Variants in B3GALT1 observed in about 807,000 individuals in gnomAD.
The protein encoded by B3GALT1 is beta-1,3-galactosyltransferase 1, also known as UDP-Gal:betaGlcNAc beta 1,3-galactosyltransferase, polypeptide 1.
B3GALT1 carries 10 observed loss-of-function variants against 23.2 expected under a neutral mutation model. The ratio of observed to expected loss-of-function variants is 0.43; its 90% CI spans 0.27 to 0.73. The LOEUF is 0.73. Ranked by LOEUF, B3GALT1 falls within the 30% of genes least tolerant of loss-of-function variation. The probability of loss-of-function intolerance (pLI) is 0.21; values close to 1 mark genes in which losing one functional copy is unlikely to be tolerated. For missense variants in B3GALT1, 299 were observed against 405.4 expected (o/e 0.74, Z 2.25); for synonymous variants, 156 against 141.5 (o/e 1.10, Z -0.73).
chr2:167,436,748 T>G (rs1212420380), intron 1 of B3GALT1, among the ~76,000 whole-genome samples: 3 of 152,150 alleles, frequency 2.0e-5, no homozygotes, highest in African/African-American at 7.2e-5. Context: ...TCATCTAGTT[T>G]GCTCATATCC....
At chr2:167,499,497 C>T (rs375756614) in intron 2 of B3GALT1, among the ~76,000 whole-genome samples, 1 of 152,040 alleles carries the variant, frequency 6.6e-6, no homozygotes, top group African/African-American at 2.4e-5. Flanking sequence ...AAAAAATAAG[C>T]ATATCATATT....
At chr2:167,735,311 C>T in intron 3 of B3GALT1, among the ~76,000 whole-genome samples, 1 of 152,152 alleles carries the variant, frequency 6.6e-6, no homozygotes, top group Non-Finnish European at 1.5e-5. Context: ...GGGGGCCATT[C>T]TTTTATTAAT....
chr2:167,323,061 T>C (rs1244547319), intron 1 of B3GALT1, among the ~76,000 whole-genome samples: 1 of 151,358 alleles, frequency 6.6e-6, no homozygotes, highest in African/African-American at 2.4e-5. Flanking sequence ...TTCTGGCCTT[T>C]TTAAAAAATA....
chr2:167,840,437 A>G (rs1177757595), intron 4 of B3GALT1, among the ~76,000 whole-genome samples: 13 of 152,152 alleles, frequency 8.5e-5, no homozygotes, highest in Non-Finnish European at 1.5e-4. Flanking sequence ...GCTCACCATC[A>G]CTGGCCATCA....
At chr2:167,582,409 T>G (rs1012050930) in intron 2 of B3GALT1, among the ~76,000 whole-genome samples, 1 of 152,194 alleles carries the variant, frequency 6.6e-6, no homozygotes, top group African/African-American at 2.4e-5. Flanking sequence ...TTACTCACAC[T>G]GTACTCAGAT....
At chr2:167,626,287 A>T (rs1685344345) in intron 2 of B3GALT1, among the ~76,000 whole-genome samples, 1 of 151,576 alleles carries the variant, frequency 6.6e-6, no homozygotes, top group African/African-American at 2.4e-5. Flanking sequence ...TCTAATCCAA[A>T]CCCATATAGA....
intron 2 of B3GALT1, among the ~76,000 whole-genome samples, chr2:167,570,200 T>C (rs1684264514): frequency 6.6e-6 from 1 of 151,926 alleles, no homozygotes; most frequent in South Asian, 2.1e-4. Flanking sequence ...AATTACTTTC[T>C]CTGCTTCTGT....
chr2:167,713,569 A>G, intron 3 of B3GALT1: 1 of 791,880 alleles, frequency 1.3e-6, no homozygotes, highest in Non-Finnish European at 2.1e-6. Flanking sequence ...TCAATTTGAG[A>G]AAAGTGTAAT....
chr2:167,820,318 G>A (rs1689079150), intron 4 of B3GALT1, among the ~76,000 whole-genome samples: 1 of 152,196 alleles, frequency 6.6e-6, no homozygotes, highest in African/African-American at 2.4e-5. Context: ...CTTTAGAAAG[G>A]GTGGTTAGGG....
intron 2 of B3GALT1, among the ~76,000 whole-genome samples, chr2:167,517,461 A>C (rs939432167): frequency 2.6e-5 from 4 of 152,088 alleles, no homozygotes; most frequent in Admixed American, 1.3e-4. Context: ...TTCTACTGTT[A>C]ACCAATTTTA....
At position 167,516,228 on chromosome 2, in the gene B3GALT1, A is replaced by G. The variant is rs564066642; in HGVS notation, c.-410+25951A>G. On this transcript the variant is annotated intron_variant, in intron 2 of 4. Transcript: ENST00000392690. ...ATTTGTCATCTGCCTTTTGCTTTCT[A>G]TCAGGCCCTTGTGATTTTTTGTTAG... Among the ~76,000 whole-genome samples, 281 of 152,110 alleles carry G rather than the reference A, an allele frequency of 1.8e-3. 6 individuals carry two copies. Among genetic ancestry groups the G allele is most frequent in the Non-Finnish European group, 2.9e-4 (20 of 67,932 alleles).
intron 4 of B3GALT1, among the ~76,000 whole-genome samples, chr2:167,864,605 TAGC>T (rs1388274457): frequency 1.3e-5 from 2 of 152,184 alleles, no homozygotes; most frequent in Non-Finnish European, 2.9e-5. Context: ...ACTGGGCGAA[TAGC>T]AGCCTGAGAT....
intron 1 of B3GALT1, among the ~76,000 whole-genome samples, chr2:167,394,639 C>T (rs1478748058): frequency 4.0e-5 from 6 of 151,832 alleles, no homozygotes; most frequent in Non-Finnish European, 7.4e-5. Flanking sequence ...TTCCATATTT[C>T]GTAACTAAGC....
At chr2:167,838,242 G>T (rs1689536076) in intron 4 of B3GALT1, among the ~76,000 whole-genome samples, 1 of 152,174 alleles carries the variant, frequency 6.6e-6, no homozygotes, top group Non-Finnish European at 1.5e-5. Context: ...CCAGGAGCTG[G>T]TTTTTTGAAA....
chr2:167,434,323 A>G (rs1010951747), intron 1 of B3GALT1, among the ~76,000 whole-genome samples: 1 of 152,130 alleles, frequency 6.6e-6, no homozygotes. Flanking sequence ...AAATTTTCAG[A>G]TATATACAAA....
intron 1 of B3GALT1, among the ~76,000 whole-genome samples, chr2:167,449,175 A>G (rs1352450845): frequency 6.6e-6 from 1 of 152,060 alleles, no homozygotes. Flanking sequence ...GAATCTGTAG[A>G]TTGCTTTTGG....
chr2:167,846,266 G>A (rs549941645), intron 4 of B3GALT1, among the ~76,000 whole-genome samples: 4 of 152,202 alleles, frequency 2.6e-5, no homozygotes, highest in East Asian at 3.9e-4. Context: ...GAAATTGATC[G>A]CAGAAAGATC....
At chr2:167,455,672 C>G (rs1331913740) in intron 1 of B3GALT1, among the ~76,000 whole-genome samples, 3 of 151,908 alleles carry the variant, frequency 2.0e-5, no homozygotes, top group African/African-American at 7.3e-5. Flanking sequence ...ACCACCACAC[C>G]CAGCTAATTT....
intron 3 of B3GALT1, among the ~76,000 whole-genome samples, chr2:167,741,346 A>G (rs575039719): frequency 6.6e-6 from 1 of 152,282 alleles, no homozygotes; most frequent in East Asian, 1.9e-4. Flanking sequence ...TCTTCAAAAA[A>G]CATCTACTAA....
Sources: allele counts gnomAD v4.1 joint callset (sites outside exome capture counted in the v4.1 genomes callset), GRCh38; gene constraint gnomAD v4.1.1; transcripts MANE v1.5; gene names NCBI Gene and HGNC (gene_info 2026-07-23, HGNC 2026-07-21).